Variants in CNTNAP2 observed in about 807,000 individuals in gnomAD.
CNTNAP2 encodes the protein contactin-associated protein-like 2.
A neutral mutation model predicts 155.2 loss-of-function variants in CNTNAP2; 98 were observed. That is an observed-to-expected ratio of 0.63 (90% CI 0.54 to 0.75). CNTNAP2 has a LOEUF of 0.75. Ranked by LOEUF, CNTNAP2 falls within the 30% of genes least tolerant of loss-of-function variation. The pLI is 0.00. For missense variants in CNTNAP2, 1,727 were observed against 1,688.1 expected (o/e 1.02, Z -0.40); for synonymous variants, 651 against 631.2 (o/e 1.03, Z -0.47).
At chr7:148,312,005 G>C (rs1797603580) in intron 21 of CNTNAP2, among the ~76,000 whole-genome samples, 1 of 152,184 alleles carries the variant, frequency 6.6e-6, no homozygotes, top group South Asian at 2.1e-4. Flanking sequence ...GAGCCGGGGA[G>C]CAGAAAGTAT....
intron 10 of CNTNAP2, among the ~76,000 whole-genome samples, chr7:147,484,139 C>T (rs959550000): frequency 5.3e-5 from 8 of 152,122 alleles, no homozygotes; most frequent in South Asian, 2.1e-4. Context: ...CAGATCCCCA[C>T]CCCACCTCCA....
rs149323825 is a variant in CNTNAP2 at position 148,064,997 on chromosome 7, A to G, written c.2384-53121A>G. Among the ~76,000 whole-genome samples, 524 of 152,210 alleles carry G rather than the reference A, an allele frequency of 3.4e-3. 2 individuals carry two copies. Among genetic ancestry groups the G allele is most frequent in the African/African-American group, 0.012 (500 of 41,556 alleles). On this transcript the variant is annotated intron_variant, in intron 15 of 23. Transcript: ENST00000361727. ...GGTTTTGATAGGTTGTGTCATTATT[A>G]TCATTCGGTTCGAAGAATTTTTTAA...
intron 11 of CNTNAP2, among the ~76,000 whole-genome samples, chr7:147,520,023 A>C (rs900479133): frequency 1.3e-5 from 2 of 152,158 alleles, no homozygotes; most frequent in African/African-American, 4.8e-5. Flanking sequence ...TTGATATATA[A>C]ACTTTCAAGG....
intron 20 of CNTNAP2, among the ~76,000 whole-genome samples, chr7:148,242,376 G>A (rs920534785): frequency 6.6e-6 from 1 of 152,206 alleles, no homozygotes; most frequent in African/African-American, 2.4e-5. Context: ...CTCAGGCAGG[G>A]AGAAGTCAGT....
chr7:146,633,576 A>C (rs1799544810), intron 1 of CNTNAP2, among the ~76,000 whole-genome samples: 1 of 152,130 alleles, frequency 6.6e-6, no homozygotes, highest in Non-Finnish European at 1.5e-5. Flanking sequence ...ACAGCATGTG[A>C]ATTTTGGTAC....
chr7:147,335,443 C>A (rs970654133), intron 9 of CNTNAP2, among the ~76,000 whole-genome samples: 1 of 152,076 alleles, frequency 6.6e-6, no homozygotes, highest in Non-Finnish European at 1.5e-5. Context: ...TAATTAGGTG[C>A]TTCGTTGAGA....
At chr7:147,179,505 A>T (rs1212545329) in intron 8 of CNTNAP2, among the ~76,000 whole-genome samples, 1 of 152,188 alleles carries the variant, frequency 6.6e-6, no homozygotes, top group African/African-American at 2.4e-5. Flanking sequence ...CAAATGGTTG[A>T]CCTGTACACC....
rs189651207 is a variant in CNTNAP2 at position 146,516,010 on chromosome 7, G to A, written c.98-258261G>A. ...AATGACAGCTTGAATCACCTTCTAC[G>A]ATAGCTGAAGTAGATCATCATAATC... On this transcript the variant is annotated intron_variant, in intron 1 of 23. Transcript: ENST00000361727. Among the ~76,000 whole-genome samples, 6 of 152,044 alleles carry A rather than the reference G, an allele frequency of 3.9e-5. No homozygotes were observed. In the East Asian group the frequency reaches 9.6e-4, roughly 24 times the overall value.
At chr7:147,724,873 G>GT (rs1258824248) in intron 13 of CNTNAP2, among the ~76,000 whole-genome samples, 1 of 151,858 alleles carries the variant, frequency 6.6e-6, no homozygotes, top group Non-Finnish European at 1.5e-5. Context: ...AAGGTTAAAT[G>GT]TCAGAAGCAA....
chr7:148,002,556 A>C (rs1801916724), intron 15 of CNTNAP2, among the ~76,000 whole-genome samples: 2 of 152,264 alleles, frequency 1.3e-5, no homozygotes, highest in South Asian at 4.1e-4. Flanking sequence ...CTAATTAATT[A>C]TTTCTCTTAA....
intron 21 of CNTNAP2, among the ~76,000 whole-genome samples, chr7:148,289,858 C>T (rs1797159377): frequency 6.6e-6 from 1 of 152,206 alleles, no homozygotes; most frequent in South Asian, 2.1e-4. Context: ...ATGATGTCAT[C>T]AATAGAAACT....
At chr7:147,033,683 T>A (rs1167657767) in intron 3 of CNTNAP2, among the ~76,000 whole-genome samples, 3 of 151,452 alleles carry the variant, frequency 2.0e-5, no homozygotes, top group African/African-American at 7.3e-5. Flanking sequence ...GGTCATCAGA[T>A]ACACAGGGAC....
chr7:147,532,119 T>C (rs538698966), intron 11 of CNTNAP2, among the ~76,000 whole-genome samples: 226 of 152,348 alleles, frequency 1.5e-3, no homozygotes, highest in African/African-American at 5.3e-3. Context: ...GTTTTTCTTT[T>C]CTATCACATA....
chr7:147,866,988 A>C (rs1048865788), intron 13 of CNTNAP2, among the ~76,000 whole-genome samples: 6 of 152,148 alleles, frequency 3.9e-5, no homozygotes, highest in Non-Finnish European at 7.3e-5. Context: ...TGACCCTCTC[A>C]TTATTATGTT....
rs77865464 is a variant in CNTNAP2 at position 147,701,886 on chromosome 7, G to A, written c.2098+62580G>A. 5.4e-3 allele frequency among the ~76,000 whole-genome samples: 819 copies of A among 152,114 alleles called. 7 individuals are homozygous for A. Among genetic ancestry groups the A allele is most frequent in the African/African-American group, 0.018 (766 of 41,494 alleles). ...CTATGCTATGCTTTCATTACGGTGC[G>A]GAAGGAACCCTGTTAGAGACACAGT... is the stretch of plus-strand genomic sequence containing the variant. On this transcript the variant is annotated intron_variant, in intron 13 of 23. Transcript: ENST00000361727.
chr7:147,139,610 A>AGGC (rs2129286909), intron 8 of CNTNAP2, among the ~76,000 whole-genome samples: 1 of 151,828 alleles, frequency 6.6e-6, no homozygotes, highest in Non-Finnish European at 1.5e-5. Context: ...TACCTCCCTC[A>AGGC]CCTTTTAATT....
intron 20 of CNTNAP2, among the ~76,000 whole-genome samples, chr7:148,264,881 G>T (rs931251174): frequency 3.9e-5 from 6 of 152,110 alleles, no homozygotes; most frequent in Non-Finnish European, 7.3e-5. Flanking sequence ...TTTTAGTAGA[G>T]ACAGGGTTTC....
Position 146,444,910 on chromosome 7 carries a change from G to A in CNTNAP2, c.97+327937G>A, listed in dbSNP as rs138627269. ...GGCCTCAAGTAATCCACCCGCCTCG[G>A]CCTCCCAAAATGCTGGGATTACAGG... On this transcript the variant is annotated intron_variant, in intron 1 of 23. Transcript: ENST00000361727. 4.0e-5 allele frequency among the ~76,000 whole-genome samples: 6 copies of A among 151,630 alleles called. No homozygotes were observed. The East Asian group carries it at 1.2e-3, about 30-fold the overall frequency.
chr7:148,269,809 C>T (rs1365840071), intron 21 of CNTNAP2, among the ~76,000 whole-genome samples: 3 of 152,078 alleles, frequency 2.0e-5, no homozygotes, highest in Non-Finnish European at 2.9e-5. Context: ...TTGGTGAGTA[C>T]CCGCTTTCTA....
Sources: gnomAD v4.1 joint callset for allele counts (sites outside exome capture counted in the v4.1 genomes callset) on GRCh38, gnomAD v4.1.1 for gene constraint, MANE v1.5 for transcripts, NCBI Gene and HGNC (gene_info 2026-07-23, HGNC 2026-07-21) for gene names.